Variants in C1QTNF3 observed in about 807,000 individuals in gnomAD.
C1QTNF3 encodes the protein C1q and TNF related 3, also known as complement C1q tumor necrosis factor-related protein 3.
C1QTNF3 carries 26 observed loss-of-function variants against 32.6 expected under a neutral mutation model. That is an observed-to-expected ratio of 0.80 (90% CI 0.58 to 1.11). The LOEUF is 1.11. Among genes scored for constraint, C1QTNF3 ranks in the 50% least tolerant of loss-of-function variants. The pLI, the probability that C1QTNF3 is intolerant of heterozygous loss-of-function variation, is 0.00. For missense variants in C1QTNF3, 362 were observed against 398.2 expected (o/e 0.91, Z 0.77); for synonymous variants, 155 against 146.0 (o/e 1.06, Z -0.44).
the C1QTNF3 span, among the ~76,000 whole-genome samples, chr5:34,208,968 C>T: frequency 4.6e-3 from 703 of 152,222 alleles, 1 homozygote; most frequent in Admixed American, 6.9e-3. Flanking sequence ...TGTTTAGAGA[C>T]AATTTTAGTT....
chr5:34,165,192 C>T, the C1QTNF3 span: 1 of 152,100 alleles, frequency 6.6e-6, no homozygotes, highest in East Asian at 1.9e-4. Flanking sequence ...CCTTTGGCCT[C>T]TGACTGAGAG....
rs935555587 is a variant in C1QTNF3 at position 34,018,952 on chromosome 5, C to T, written c.*1631G>A. On this transcript the variant is annotated 3_prime_UTR_variant, in exon 6 of 6. Coordinates refer to ENST00000382065, the MANE Select transcript of C1QTNF3 (RefSeq NM_181435.6). Reference sequence around the variant, plus strand: ...GACCGGCCTGGTCAACATGGTGAAACCCCATCTCTATTAGAAACATTAAAA... The same window carrying T: ...GACCGGCCTGGTCAACATGGTGAAATCCCATCTCTATTAGAAACATTAAAA... Among the ~76,000 whole-genome samples the T allele has an allele frequency of 6.6e-6, 1 of 152,088 alleles. No homozygotes were observed. Among genetic ancestry groups the T allele is most frequent in the Non-Finnish European group, 1.5e-5 (1 of 68,020 alleles).
chr5:34,119,746 AG>A, the C1QTNF3 span, among the ~76,000 whole-genome samples: 4 of 152,170 alleles, frequency 2.6e-5, no homozygotes, highest in Admixed American at 1.3e-4. Context: ...AGCTACGGAC[AG>A]TTGAGTCTTT....
chr5:34,056,321 T>C, the C1QTNF3 span, among the ~76,000 whole-genome samples: 1 of 151,606 alleles, frequency 6.6e-6, no homozygotes, highest in African/African-American at 2.4e-5. Context: ...TTACTCATGC[T>C]TGTGCATATT....
chr5:34,211,036 T>A, the C1QTNF3 span, among the ~76,000 whole-genome samples: 2 of 151,564 alleles, frequency 1.3e-5, no homozygotes, highest in Non-Finnish European at 2.9e-5. Flanking sequence ...TAATGTTACC[T>A]CCAGGTTTAA....
rs750208893 is a variant in C1QTNF3, at chr5:34,033,362, C to G, written c.512G>C (p.Arg171Pro). 3 of 1,613,724 alleles carry G rather than the reference C, an allele frequency of 1.9e-6. No homozygotes were observed. Among genetic ancestry groups the G allele is most frequent in the African/African-American group, 1.3e-5 (1 of 74,868 alleles). ...CTCTCCTTTGGGGCCATGCTGCCCC[C>G]GCTCCCCTCGAGGCCCCAGGTCACC... Reference protein sequence around the residue: ...DKGDLGPRGERGQHGPKGEKG... With the variant: ...DKGDLGPRGEPGQHGPKGEKG... Residue 171 changes from arginine to proline, a missense_variant, in exon 3 of 6, where the codon CGG (arginine) becomes CCG (proline). Transcript: ENST00000382065.
intron 1 of C1QTNF3, among the ~76,000 whole-genome samples, chr5:34,042,419 A>G (rs1349935159): frequency 6.6e-6 from 1 of 152,178 alleles, no homozygotes; most frequent in Non-Finnish European, 1.5e-5. Flanking sequence ...TCCCTGCCGG[A>G]AGGGATGAAG....
At chr5:34,237,929 T>G in the C1QTNF3 span, among the ~76,000 whole-genome samples, 3 of 152,030 alleles carry the variant, frequency 2.0e-5, no homozygotes, top group African/African-American at 7.3e-5. Context: ...CAAAAGGAAG[T>G]ATAAAACAGC....
chr5:34,063,121 GAGA>G, the C1QTNF3 span, among the ~76,000 whole-genome samples: 1 of 152,134 alleles, frequency 6.6e-6, no homozygotes, highest in Non-Finnish European at 1.5e-5. Flanking sequence ...TAGGGTCATG[GAGA>G]AGACCTCCAA....
At chr5:34,103,796 T>C in the C1QTNF3 span, among the ~76,000 whole-genome samples, 1 of 149,370 alleles carries the variant, frequency 6.7e-6, no homozygotes, top group Non-Finnish European at 1.5e-5. Flanking sequence ...CATTCCAGCC[T>C]GGGTGACAAG....
the C1QTNF3 span, among the ~76,000 whole-genome samples, chr5:34,126,654 G>T: frequency 1.2e-4 from 18 of 147,928 alleles, no homozygotes; most frequent in African/African-American, 4.4e-4. Flanking sequence ...TTCAGATATT[G>T]AAGTATCATT....
At chr5:34,222,256 A>T in the C1QTNF3 span, among the ~76,000 whole-genome samples, 4 of 151,992 alleles carry the variant, frequency 2.6e-5, no homozygotes, top group African/African-American at 9.7e-5. Context: ...TTTTTAAATG[A>T]AATTCTAAAA....
the C1QTNF3 span, among the ~76,000 whole-genome samples, chr5:34,159,217 A>G: frequency 1.3e-5 from 2 of 152,118 alleles, no homozygotes; most frequent in Admixed American, 1.3e-4. Flanking sequence ...TAAACCTATA[A>G]TGTTGTTTAC....
the C1QTNF3 span, among the ~76,000 whole-genome samples, chr5:34,202,837 G>A: frequency 1.4e-4 from 21 of 151,342 alleles, no homozygotes; most frequent in Non-Finnish European, 2.1e-4. Flanking sequence ...AACCTTTTTA[G>A]TCATTCACTA....
At chr5:34,218,437 A>C in the C1QTNF3 span, 1 of 150,982 alleles carries the variant, frequency 6.6e-6, no homozygotes, top group Non-Finnish European at 1.5e-5. Context: ...AGTGCAGGCC[A>C]TCATGACTGC....
the C1QTNF3 span, among the ~76,000 whole-genome samples, chr5:34,244,080 TA>T: frequency 6.8e-6 from 1 of 147,996 alleles, no homozygotes; most frequent in African/African-American, 2.4e-5. Context: ...GTTTCTCACC[TA>T]ATTCATAGTC....
At chr5:34,164,755 C>A in the C1QTNF3 span, 20 of 151,860 alleles carry the variant, frequency 1.3e-4, no homozygotes, top group African/African-American at 4.1e-4. Context: ...TATATACATT[C>A]ATTCATAAAT....
At chr5:34,178,438 G>A in the C1QTNF3 span, among the ~76,000 whole-genome samples, 1 of 152,038 alleles carries the variant, frequency 6.6e-6, no homozygotes, top group South Asian at 2.1e-4. Context: ...TCCACTGTGG[G>A]TGGCTGTTCC....
At position 34,018,399 on chromosome 5, in the gene C1QTNF3, T is replaced by C. The variant is rs840391; in HGVS notation, c.*2184A>G. On this transcript the variant is annotated 3_prime_UTR_variant, in exon 6 of 6. Coordinates refer to ENST00000382065, the MANE Select transcript of C1QTNF3 (RefSeq NM_181435.6). ...TGAATTCCTAGCCCTTTGCCTTCTA[T>C]GGCTGTAAAAACATTCTACTTTATG... 0.46 allele frequency among the ~76,000 whole-genome samples: 69,952 copies of C among 152,042 alleles called. 16,764 individuals are homozygous for C. Among genetic ancestry groups the C allele is most frequent in the South Asian group, 0.72 (3,446 of 4,812 alleles).
Sources: gnomAD v4.1 joint callset for allele counts (sites outside exome capture counted in the v4.1 genomes callset) on GRCh38, gnomAD v4.1.1 for gene constraint, MANE v1.5 for transcripts, NCBI Gene and HGNC (gene_info 2026-07-23, HGNC 2026-07-21) for gene names.